CLGN: variants seen among roughly 807,000 people sequenced by gnomAD.
The protein encoded by CLGN is calmegin, also known as testis tissue sperm-binding protein Li 79P.
In CLGN, 62 loss-of-function variants were observed where a neutral mutation model predicts 79.1. The ratio of observed to expected loss-of-function variants is 0.78; its 90% CI spans 0.64 to 0.97. The LOEUF (loss-of-function observed/expected upper bound fraction) is 0.97, where lower values mean the gene tolerates loss of function less well. Among genes scored for constraint, CLGN ranks in the 50% least tolerant of loss-of-function variants. The probability of loss-of-function intolerance (pLI) is 0.00; values close to 1 mark genes in which losing one functional copy is unlikely to be tolerated. For synonymous variants in CLGN, 225 were observed against 224.7 expected (o/e 1.00, Z -0.01); for missense variants, 647 against 715.5 (o/e 0.90, Z 1.09).
At chr4:140,413,289 A>G (rs1729248728) in intron 1 of CLGN, among the ~76,000 whole-genome samples, 1 of 152,232 alleles carries the variant, frequency 6.6e-6, no homozygotes, top group African/African-American at 2.4e-5. Flanking sequence ...CAGATTCTAT[A>G]GCTGCAGGCC....
At chr4:140,394,701 GA>G (rs1240970510) in intron 10 of CLGN, among the ~76,000 whole-genome samples, 1 of 152,068 alleles carries the variant, frequency 6.6e-6, no homozygotes, top group African/African-American at 2.4e-5. Flanking sequence ...TTTACCAAAA[GA>G]AACATTTTGT....
chr4:140,405,060 T>C (rs1215305891), intron 5 of CLGN, among the ~76,000 whole-genome samples: 1 of 152,154 alleles, frequency 6.6e-6, no homozygotes, highest in Non-Finnish European at 1.5e-5. Flanking sequence ...TCATAAACAT[T>C]TATTTTTGAA....
chr4:140,389,199 G>A lies in CLGN; in HGVS notation c.*25C>T. 1 of 1,590,066 alleles carries A rather than the reference G, an allele frequency of 6.3e-7. No homozygotes were observed. Among genetic ancestry groups the A allele is most frequent in the East Asian group, 2.2e-5 (1 of 44,676 alleles). On this transcript the variant is annotated 3_prime_UTR_variant, in exon 15 of 15. Transcript: ENST00000325617. The stretch of plus-strand genomic sequence containing the variant: ...TTTACAATGCCAAACATCCCTCTCG[G>A]GAATTAAAAATATTTCAATCTAGTT...
chr4:140,406,189 G>C, intron 4 of CLGN, 106 bp from the exon 5 acceptor site: 1 of 1,101,590 alleles, frequency 9.1e-7, no homozygotes, highest in Non-Finnish European at 1.3e-6. Flanking sequence ...GCCTGACTTG[G>C]GAAAAATAAA....
At chr4:140,391,209 A>G (rs1461731705) in intron 13 of CLGN, among the ~76,000 whole-genome samples, 1 of 151,800 alleles carries the variant, frequency 6.6e-6, no homozygotes, top group East Asian at 1.9e-4. Flanking sequence ...TATATAAAGT[A>G]AAAACTCCTA....
At chr4:140,394,683 C>G (rs1728835807) in intron 10 of CLGN, among the ~76,000 whole-genome samples, 1 of 151,908 alleles carries the variant, frequency 6.6e-6, no homozygotes, top group Non-Finnish European at 1.5e-5. Flanking sequence ...AGACATCAAA[C>G]AAAAAAATTT....
At position 140,394,045 on chromosome 4, in the gene CLGN, G is replaced by A. The variant is rs1158675531; in HGVS notation, c.1150-4C>T. ...TTTTTCGAGGACTCCAGATTCCCTG[G>A]AAGAAAAGTAATTGAAGACATTTTC... is the stretch of plus-strand genomic sequence containing the variant. On this transcript the variant is annotated splice_polypyrimidine_tract_variant and splice_region_variant and intron_variant, in intron 10 of 14. Coordinates refer to ENST00000325617, the MANE Select transcript of CLGN (RefSeq NM_004362.3). The A allele has an allele frequency of 4.4e-6, 7 of 1,592,268 alleles. No homozygotes were observed. The highest frequency in any genetic ancestry group is 6.0e-6 in the Non-Finnish European group (7 of 1,163,620).
At chr4:140,425,321 G>A (rs2126636896) in intron 1 of CLGN, among the ~76,000 whole-genome samples, 1 of 152,122 alleles carries the variant, frequency 6.6e-6, no homozygotes, top group Non-Finnish European at 1.5e-5. Context: ...GAAGGTCATG[G>A]TTGAAAACGG....
At chr4:140,425,671 C>T (rs1438045046) in intron 1 of CLGN, among the ~76,000 whole-genome samples, 13 of 144,536 alleles carry the variant, frequency 9.0e-5, no homozygotes, top group Admixed American at 1.4e-4. Context: ...CTCTGTCACC[C>T]AGGCTGGAGT....
intron 5 of CLGN, among the ~76,000 whole-genome samples, chr4:140,405,239 C>A (rs1181396698): frequency 7.2e-6 from 1 of 138,848 alleles, no homozygotes; most frequent in African/African-American, 2.7e-5. Context: ...GGCTGGAGTG[C>A]AGTGGCGGGA....
At chr4:140,398,773 G>A in intron 8 of CLGN, 78 bp downstream of exon 8, 1 of 1,219,790 alleles carries the variant, frequency 8.2e-7, no homozygotes, top group South Asian at 1.4e-5. Context: ...AAACTTCATG[G>A]GTTGTAAACT....
At chr4:140,396,396 C>T (rs1728874610) in intron 8 of CLGN, among the ~76,000 whole-genome samples, 191 bp from the exon 9 acceptor site, 1 of 152,156 alleles carries the variant, frequency 6.6e-6, no homozygotes, top group African/African-American at 2.4e-5. Context: ...GTGCTCTATG[C>T]ATACATGCAC....
chr4:140,393,323 A>G (rs1728811054), intron 11 of CLGN, among the ~76,000 whole-genome samples: 1 of 152,142 alleles, frequency 6.6e-6, no homozygotes, highest in Non-Finnish European at 1.5e-5. Flanking sequence ...TAGCAACTGA[A>G]TTTAATGATA....
At chr4:140,416,116 A>G (rs1729324975) in intron 1 of CLGN, among the ~76,000 whole-genome samples, 1 of 55,184 alleles carries the variant, frequency 1.8e-5, no homozygotes, top group African/African-American at 9.2e-5. Flanking sequence ...GTACATAACG[A>G]AATGAAGGCA....
chr4:140,397,454 G>C (rs1728913770), intron 8 of CLGN, among the ~76,000 whole-genome samples: 1 of 149,516 alleles, frequency 6.7e-6, no homozygotes, highest in East Asian at 1.9e-4. Flanking sequence ...AATAGTTTAG[G>C]GAGGTTTTTT....
rs1051378976 is a variant in CLGN, at chr4:140,388,580, T to C, written c.*644A>G. ...CTTGAAAAAAAATCTGTACATCATT[T>C]TGTTTTGATAAAACCCATTATCCTT... On this transcript the variant is annotated 3_prime_UTR_variant, in exon 15 of 15. Coordinates refer to ENST00000325617, the MANE Select transcript of CLGN (RefSeq NM_004362.3). 2.0e-5 allele frequency: 3 copies of C among 151,952 alleles called. No individual in the cohort carries two copies. The highest frequency in any genetic ancestry group is 7.2e-5 in the African/African-American group (3 of 41,446). The allele number at this position is 151,952 out of a possible 1,614,324, so 9.4% of individuals were successfully genotyped here.
chr4:140,413,722 G>A (rs1007510168), intron 1 of CLGN, among the ~76,000 whole-genome samples: 3 of 152,142 alleles, frequency 2.0e-5, no homozygotes, highest in Non-Finnish European at 4.4e-5. Context: ...ACGGAGTCTC[G>A]CTGATTAATA....
Position 140,389,354 on chromosome 4 carries a change from GTAGA to G in CLGN, c.1753-54_1753-51del, listed in dbSNP as rs770085595. On this transcript the variant is annotated intron_variant, in intron 14 of 14. Transcript: ENST00000325617. ...TTTCTTTTAGTATAACACATAACTA[GTAGA>G]TAGTAGTAAACAATATATTTATTAT... The G allele has an allele frequency of 2.3e-5, 29 of 1,240,224 alleles. 1 individual carries two copies. The South Asian group carries it at 3.4e-4, about 14-fold the overall frequency. 76.8% of individuals were successfully genotyped at this position (1,240,224 alleles called of 1,614,324 possible).
At chr4:140,402,173 C>T in intron 5 of CLGN, 107 bp from the exon 6 acceptor site, 1 of 568,372 alleles carries the variant, frequency 1.8e-6, no homozygotes, top group South Asian at 3.4e-5. Flanking sequence ...AATTTTTTTA[C>T]ATTATCAGAA....
Sources: gnomAD v4.1 joint callset for allele counts (sites outside exome capture counted in the v4.1 genomes callset) on GRCh38, gnomAD v4.1.1 for gene constraint, MANE v1.5 for transcripts, NCBI Gene and HGNC (gene_info 2026-07-23, HGNC 2026-07-21) for gene names.